FAF1: variants seen among roughly 807,000 people sequenced by gnomAD.
FAF1 encodes FAS-associated factor 1.
Under a neutral mutation model 92.5 loss-of-function variants are expected in FAF1, and 25 were observed. The observed-to-expected ratio is 0.27, with a 90% CI of 0.20 to 0.38. FAF1 has a LOEUF of 0.38. FAF1 is among the 10% of genes least tolerant of loss of function. FAF1 has a pLI of 1.00. For synonymous variants in FAF1, 234 were observed against 273.2 expected, an observed-to-expected ratio of 0.86 and a Z score of 1.42; for missense variants, 636 against 793.3, an observed-to-expected ratio of 0.80 and a Z score of 2.38.
chr1:50,721,513 G>A (rs113157291), intron 6 of FAF1, among the ~76,000 whole-genome samples: 3,046 of 151,110 alleles, frequency 0.02, 100 homozygotes, highest in African/African-American at 0.071. Context: ...GTGCCCGGCC[G>A]GAAAAAAAAA....
At chr1:50,441,785 T>G (rs1456432223) in intron 18 of FAF1, among the ~76,000 whole-genome samples, 1 of 152,078 alleles carries the variant, frequency 6.6e-6, no homozygotes, top group Non-Finnish European at 1.5e-5. Flanking sequence ...TCAGCCTGGC[T>G]GGCAGAACAG....
chr1:50,587,645 T>C (rs1474544750), intron 9 of FAF1, among the ~76,000 whole-genome samples: 2 of 152,256 alleles, frequency 1.3e-5, no homozygotes, highest in African/African-American at 4.8e-5. Flanking sequence ...TTAGTGATTA[T>C]GCTTATTGCA....
At chr1:50,741,735 G>A (rs572581661) in intron 5 of FAF1, among the ~76,000 whole-genome samples, 11 of 152,354 alleles carry the variant, frequency 7.2e-5, no homozygotes, top group Non-Finnish European at 1.0e-4. Context: ...TAAGAAATGA[G>A]AAAAGACTGA....
rs1308456239 is a variant in FAF1, at chr1:50,475,646, G to A, written c.1687C>T (p.Pro563Ser). The part of the protein sequence containing the change: ...IRLSLEQALP[P>S]EPKEENAEPV... ...TCAGCATTTTCTTCCTTTGGCTCAG[G>A]AGGCAGGGCTTGCTCTAAGGACAGC... The change falls in exon 18 of 19, where the codon CCT becomes TCT. Residue 563 changes from proline to serine, a missense_variant. Physicochemically the swap from Pro to Ser is moderately conservative, Grantham distance 74. Around this residue, in one of 2 missense-constraint regions of FAF1, gnomAD observed 319 missense variants for 451.0 expected, o/e 0.71. Coordinates refer to ENST00000396153, the MANE Select transcript of FAF1 (RefSeq NM_007051.3). The A allele has an allele frequency of 6.2e-7, 1 of 1,614,020 alleles. No homozygotes were observed. Among genetic ancestry groups the A allele is most frequent in the Admixed American group, 1.7e-5 (1 of 60,010 alleles).
intron 4 of FAF1, among the ~76,000 whole-genome samples, chr1:50,778,911 T>G (rs559379040): frequency 6.6e-6 from 1 of 152,292 alleles, no homozygotes; most frequent in East Asian, 1.9e-4. Flanking sequence ...AGTTTTGCTG[T>G]AACATATGAT....
chr1:50,901,352 T>C (rs1244366112), intron 1 of FAF1, among the ~76,000 whole-genome samples: 1 of 152,088 alleles, frequency 6.6e-6, no homozygotes, highest in Non-Finnish European at 1.5e-5. Flanking sequence ...GTAATTTTAT[T>C]ATAAATAATA....
intron 8 of FAF1, among the ~76,000 whole-genome samples, chr1:50,631,036 C>A (rs1180801220): frequency 6.6e-6 from 1 of 151,862 alleles, no homozygotes; most frequent in Non-Finnish European, 1.5e-5. Context: ...GTAATCCACC[C>A]ACCTCGGCCT....
chr1:50,523,415 C>T (rs4448562), intron 15 of FAF1, among the ~76,000 whole-genome samples: 47 of 152,264 alleles, frequency 3.1e-4, no homozygotes, highest in African/African-American at 1.1e-3. Flanking sequence ...TGTCTACATC[C>T]TCATAAATTC....
intron 6 of FAF1, among the ~76,000 whole-genome samples, chr1:50,733,531 T>A (rs1183616892): frequency 2.0e-5 from 3 of 152,280 alleles, no homozygotes; most frequent in Non-Finnish European, 2.9e-5. Flanking sequence ...CAATTCAGGT[T>A]AAAGGAGGTC....
intron 6 of FAF1, among the ~76,000 whole-genome samples, chr1:50,734,457 G>A (rs1048761713): frequency 1.3e-5 from 2 of 151,986 alleles, no homozygotes; most frequent in South Asian, 2.1e-4. Context: ...CATGTAGGCC[G>A]GCCAAGATGG....
At chr1:50,517,141 A>C (rs1367069902) in intron 15 of FAF1, among the ~76,000 whole-genome samples, 1 of 152,262 alleles carries the variant, frequency 6.6e-6, no homozygotes, top group Non-Finnish European at 1.5e-5. Flanking sequence ...TGCATGTACA[A>C]ATTTTTTAAA....
chr1:50,642,771 G>A (rs1302195102), intron 8 of FAF1, among the ~76,000 whole-genome samples: 2 of 151,682 alleles, frequency 1.3e-5, no homozygotes, highest in Non-Finnish European at 1.5e-5. Context: ...TATCAATATG[G>A]TTAGATTTAA....
chr1:50,498,849 C>CA (rs552247958), intron 15 of FAF1, among the ~76,000 whole-genome samples: 15,525 of 82,976 alleles, frequency 0.19, 983 homozygotes, highest in African/African-American at 0.26. Context: ...ACCTCTGTCT[C>CA]AAAAAAAAAA....
In FAF1 at chr1:50,523,820, C is replaced by T. The variant is rs1647638170; in HGVS notation, c.1494+11549G>A. Reference sequence around the variant, plus strand: ...ATGGGCATTTAGGTTGATTCCATGTCTTTGCTATTGTGAACAGTGTTGCAA... The same window carrying T: ...ATGGGCATTTAGGTTGATTCCATGTTTTTGCTATTGTGAACAGTGTTGCAA... On this transcript the variant is annotated intron_variant, in intron 15 of 18. Coordinates refer to ENST00000396153, the MANE Select transcript of FAF1 (RefSeq NM_007051.3). Among the ~76,000 whole-genome samples, 5 of 152,234 alleles carry T rather than the reference C, an allele frequency of 3.3e-5. No homozygotes were observed. The South Asian group carries it at 1.0e-3, about 32-fold the overall frequency.
intron 4 of FAF1, among the ~76,000 whole-genome samples, chr1:50,785,972 G>GA (rs879685093): frequency 0.028 from 4,043 of 143,790 alleles, 79 homozygotes; most frequent in Non-Finnish European, 0.038. Context: ...TCTCTACAAA[G>GA]AAAAAAAAAA....
At chr1:50,554,013 C>T (rs1347012826) in intron 13 of FAF1, among the ~76,000 whole-genome samples, 1 of 151,740 alleles carries the variant, frequency 6.6e-6, no homozygotes, top group Non-Finnish European at 1.5e-5. Context: ...TGGGTGGCTG[C>T]AAGTTGTACT....
At chr1:50,707,019 C>A (rs182868403) in intron 6 of FAF1, among the ~76,000 whole-genome samples, 369 of 152,050 alleles carry the variant, frequency 2.4e-3, no homozygotes, top group South Asian at 5.2e-3. Flanking sequence ...CTGGCTAACA[C>A]GGTAAAACCC....
At chr1:50,881,393 T>C (rs147457916) in intron 1 of FAF1, among the ~76,000 whole-genome samples, 1,536 of 152,314 alleles carry the variant, frequency 0.01, 40 homozygotes, top group East Asian at 0.014. Context: ...AAAGTTGTCC[T>C]CCTGGTGAAC....
intron 6 of FAF1, among the ~76,000 whole-genome samples, chr1:50,710,623 G>C (rs764046571): frequency 4.7e-5 from 7 of 149,670 alleles, no homozygotes; most frequent in South Asian, 4.2e-4. Context: ...TTTTTTTCGA[G>C]ACAGAGTCTC....
Sources: gnomAD v4.1 joint callset for allele counts (sites outside exome capture counted in the v4.1 genomes callset) on GRCh38, gnomAD v4.1.1 for gene constraint, gnomAD v4.1.1 regional missense constraint, MANE v1.5 for transcripts, NCBI Gene and HGNC (gene_info 2026-07-23, HGNC 2026-07-21) for gene names.